The following PAPPA2 variants were observed in gnomAD, a reference collection of about 807,000 sequenced individuals.
PAPPA2 encodes pappalysin-2.
In PAPPA2, 86 loss-of-function variants were observed where a neutral mutation model predicts 176.4. The observed-to-expected ratio is 0.49, with a 90% CI of 0.41 to 0.58. The LOEUF is 0.58. Ranked by LOEUF, PAPPA2 falls within the 20% of genes least tolerant of loss-of-function variation. The probability of loss-of-function intolerance (pLI) is 0.00; values close to 1 mark genes in which losing one functional copy is unlikely to be tolerated. For missense variants in PAPPA2, 2,073 were observed against 2,256.9 expected (o/e 0.92, Z 1.65); for synonymous variants, 809 against 852.2 (o/e 0.95, Z 0.88).
intron 14 of PAPPA2, among the ~76,000 whole-genome samples, chr1:176,746,447 C>T (rs1307675934): frequency 1.3e-5 from 2 of 152,008 alleles, no homozygotes; most frequent in Non-Finnish European, 2.9e-5. Flanking sequence ...CGCTCTGTTG[C>T]CCAGGCTGGA....
At chr1:176,746,154 C>T (rs1662895003) in intron 14 of PAPPA2, among the ~76,000 whole-genome samples, 1 of 152,178 alleles carries the variant, frequency 6.6e-6, no homozygotes, top group African/African-American at 2.4e-5. Context: ...GCCTCTTCAT[C>T]CTGCAATGTC....
intron 1 of PAPPA2, among the ~76,000 whole-genome samples, chr1:176,471,082 C>G (rs1651851035): frequency 6.6e-6 from 1 of 152,012 alleles, no homozygotes; most frequent in Non-Finnish European, 1.5e-5. Flanking sequence ...TGCCTTAAAT[C>G]AAGAAGAACA....
intron 3 of PAPPA2, among the ~76,000 whole-genome samples, chr1:176,637,183 G>GCA (rs987671377): frequency 1.3e-5 from 2 of 152,058 alleles, no homozygotes; most frequent in African/African-American, 4.8e-5. Flanking sequence ...CTGGATCAGG[G>GCA]CACTTGCAGA....
chr1:176,842,553 A>G lies in PAPPA2; in HGVS notation c.*99A>G. On this transcript the variant is annotated 3_prime_UTR_variant, in exon 23 of 23. Coordinates refer to ENST00000367662, the MANE Select transcript of PAPPA2 (RefSeq NM_020318.3). ...GGGTGAATGAAGAAGAACAATCATG[A>G]AATGGAAGAAGGAGGAAGAGCATGA... is the stretch of plus-strand genomic sequence containing the variant. The G allele has an allele frequency of 9.1e-7, 1 of 1,099,072 alleles. No individual in the cohort carries two copies. The highest frequency in any genetic ancestry group is 1.3e-5 in the South Asian group (1 of 74,178). The allele number at this position is 1,099,072 out of a possible 1,614,324, so 68.1% of individuals were successfully genotyped here. A position where few individuals can be genotyped will look rare whatever the true frequency, so the allele number is the denominator to read the frequency against.
chr1:176,623,758 C>CCTTTCTTTCTTCCTTTCTTT (rs1655823383), intron 3 of PAPPA2, among the ~76,000 whole-genome samples: 2 of 59,064 alleles, frequency 3.4e-5, no homozygotes, highest in South Asian at 1.8e-3. Flanking sequence ...TTCCTTCCTT[C>CCTTTCTTTCTTCCTTTCTTT]CTTTCTTTCT....
At chr1:176,636,461 G>A (rs1490576668) in intron 3 of PAPPA2, among the ~76,000 whole-genome samples, 6 of 152,160 alleles carry the variant, frequency 3.9e-5, no homozygotes, top group Non-Finnish European at 8.8e-5. Context: ...TGTATAGAAA[G>A]TCAGAGGAGG....
chr1:176,744,514 C>A (rs962910504), intron 14 of PAPPA2, among the ~76,000 whole-genome samples: 1 of 152,160 alleles, frequency 6.6e-6, no homozygotes, highest in Non-Finnish European at 1.5e-5. Context: ...CAATATATAA[C>A]GGCTTTTGCC....
rs1667121040 is a variant in PAPPA2 at position 176,832,613 on chromosome 1, A to G, written c.5203-7560A>G. Among the ~76,000 whole-genome samples, 4 of 152,250 alleles carry G rather than the reference A, an allele frequency of 2.6e-5. No homozygotes were observed. In the South Asian group the frequency reaches 8.3e-4, roughly 32 times the overall value. On this transcript the variant is annotated intron_variant, in intron 21 of 22. Coordinates refer to ENST00000367662, the MANE Select transcript of PAPPA2 (RefSeq NM_020318.3). ...GGTGATCCACCCACCTCGGCCTCCC[A>G]AAGTGCTGGGATTACAGGCGTGAGT...
intron 14 of PAPPA2, among the ~76,000 whole-genome samples, chr1:176,740,584 T>C (rs1287125814): frequency 1.3e-5 from 2 of 152,220 alleles, no homozygotes; most frequent in East Asian, 3.9e-4. Context: ...ACAGTGTATA[T>C]AGCAAGTTTA....
In PAPPA2 at chr1:176,686,973, C is replaced by T. The variant is rs149295847; in HGVS notation, c.2138-3164C>T. Among the ~76,000 whole-genome samples the T allele has an allele frequency of 5.1e-3, 774 of 152,230 alleles. 13 individuals carry two copies. The highest frequency in any genetic ancestry group is 0.017 in the African/African-American group (704 of 41,544). On this transcript the variant is annotated intron_variant, in intron 4 of 22. Coordinates refer to ENST00000367662, the MANE Select transcript of PAPPA2 (RefSeq NM_020318.3). ...TTGTGTTCTAGCAGACATAGAATTA[C>T]CATAAGAGGTCTAGGACCTTGGGAT... is the stretch of plus-strand genomic sequence containing the variant.
At chr1:176,551,430 G>A (rs1650942692) in intron 1 of PAPPA2, among the ~76,000 whole-genome samples, 1 of 152,168 alleles carries the variant, frequency 6.6e-6, no homozygotes, top group Admixed American at 6.5e-5. Context: ...TTTCCTTCAA[G>A]GGATCAGATT....
intron 1 of PAPPA2, chr1:176,537,287 G>C (rs749105435): frequency 1.3e-5 from 2 of 152,224 alleles, no homozygotes; most frequent in East Asian, 3.9e-4. Context: ...GACACCCACT[G>C]GTTGCTCCCC....
chr1:176,691,976 G>T, intron 5 of PAPPA2, 150 bp from the exon 6 acceptor site: 1 of 718,768 alleles, frequency 1.4e-6, no homozygotes. Flanking sequence ...TTCTGGAACA[G>T]ATTGCATTTG....
intron 4 of PAPPA2, among the ~76,000 whole-genome samples, chr1:176,674,681 G>C (rs1456326039): frequency 6.7e-6 from 1 of 149,732 alleles, no homozygotes; most frequent in Non-Finnish European, 1.5e-5. Flanking sequence ...CGTTTGGACT[G>C]GTTCCATATT....
intron 1 of PAPPA2, among the ~76,000 whole-genome samples, chr1:176,530,009 A>G (rs1344347950): frequency 6.6e-6 from 1 of 152,174 alleles, no homozygotes; most frequent in Non-Finnish European, 1.5e-5. Context: ...AAACCTCAAC[A>G]ACATTACTTC....
At position 176,557,080 on chromosome 1, in the gene PAPPA2, C is replaced by A. The variant is rs750050537; in HGVS notation, c.758C>A (p.Thr253Asn). The A allele has an allele frequency of 1.2e-6, 2 of 1,613,936 alleles. No homozygotes were observed. The highest frequency in any genetic ancestry group is 2.2e-5 in the East Asian group (1 of 44,858). Residue 253 changes from threonine to asparagine, a missense_variant, in exon 2 of 23, where the codon ACC becomes AAC. Physicochemically the swap from Thr to Asn is moderately conservative, Grantham distance 65 (BLOSUM62 0). Coordinates refer to ENST00000367662, the MANE Select transcript of PAPPA2 (RefSeq NM_020318.3). ...GAGGGCTCCTACCGAGAAGCAGAGA[C>A]CTTTAACTCCCAAGTAGGACTGCCC... ...GGEGSYREAE[T>N]FNSQVGLPIL...
At chr1:176,630,618 C>T (rs1433520128) in intron 3 of PAPPA2, among the ~76,000 whole-genome samples, 2 of 151,524 alleles carry the variant, frequency 1.3e-5, no homozygotes, top group Admixed American at 6.6e-5. Context: ...AATGACAAGT[C>T]ATTAAACTAA....
chr1:176,616,599 T>G, intron 3 of PAPPA2: 1 of 1,564,606 alleles, frequency 6.4e-7, no homozygotes, highest in East Asian at 2.3e-5. Context: ...ATTGAGAACA[T>G]GGATACCTTC....
At chr1:176,529,040 T>G (rs893458807) in intron 1 of PAPPA2, among the ~76,000 whole-genome samples, 1 of 152,252 alleles carries the variant, frequency 6.6e-6, no homozygotes, top group African/African-American at 2.4e-5. Context: ...CCATGCATTT[T>G]ATTTTGTAGC....
Sources: gnomAD v4.1 joint callset for allele counts (sites outside exome capture counted in the v4.1 genomes callset) on GRCh38, gnomAD v4.1.1 for gene constraint, MANE v1.5 for transcripts, NCBI Gene and HGNC (gene_info 2026-07-23, HGNC 2026-07-21) for gene names.